The following YEATS2 variants were observed in gnomAD, a reference collection of about 807,000 sequenced individuals.
YEATS2 encodes YEATS domain-containing protein 2.
YEATS2 carries 77 observed loss-of-function variants against 163.2 expected under a neutral mutation model. That is an observed-to-expected ratio of 0.47 (90% CI 0.39 to 0.57). The LOEUF (loss-of-function observed/expected upper bound fraction) is 0.57. Ranked by LOEUF, YEATS2 falls within the 20% of genes least tolerant of loss-of-function variation. The pLI, the probability that YEATS2 is intolerant of heterozygous loss-of-function variation, is 0.00. For synonymous variants in YEATS2, 631 were observed against 645.1 expected, an observed-to-expected ratio of 0.98 and a Z score of 0.33; for missense variants, 1,549 against 1,729.8, an observed-to-expected ratio of 0.90 and a Z score of 1.85.
chr3:183,726,342 A>T (rs1455707426), intron 6 of YEATS2, among the ~76,000 whole-genome samples: 3 of 152,158 alleles, frequency 2.0e-5, no homozygotes, highest in Non-Finnish European at 2.9e-5. Context: ...GGTTGCCCAA[A>T]CTGAGATGTT....
At chr3:183,745,447 C>G (rs1370380353) in intron 8 of YEATS2, among the ~76,000 whole-genome samples, 1 of 152,028 alleles carries the variant, frequency 6.6e-6, no homozygotes, top group Non-Finnish European at 1.5e-5. Flanking sequence ...ATAGAGATGC[C>G]TTGGGCCGTC....
chr3:183,701,807 G>A (rs953118159), intron 1 of YEATS2, among the ~76,000 whole-genome samples: 3 of 152,128 alleles, frequency 2.0e-5, no homozygotes, highest in East Asian at 1.9e-4. Flanking sequence ...GCCAGTAGAA[G>A]CACTGCAGGT....
rs1169197560 is a variant in YEATS2, at chr3:183,760,333, T to TC, written c.1657-1174_1657-1173insC. On this transcript the variant is annotated intron_variant, in intron 13 of 30. Coordinates refer to ENST00000305135, the MANE Select transcript of YEATS2 (RefSeq NM_018023.5). Reference sequence around the variant, plus strand: ...ACAGAATTTTTTTTTTTTTTTTTTTTTTTTTGAGACAGAGTTTCGCTCTCG... The same window carrying TC: ...ACAGAATTTTTTTTTTTTTTTTTTTTCTTTTTGAGACAGAGTTTCGCTCTCG... 2.0e-5 allele frequency among the ~76,000 whole-genome samples: 3 copies of TC among 148,998 alleles called. No individual in the cohort carries two copies. In the East Asian group the frequency reaches 5.9e-4, roughly 29 times the overall value.
At chr3:183,779,586 T>C (rs1723351083) in intron 19 of YEATS2, among the ~76,000 whole-genome samples, 1 of 152,238 alleles carries the variant, frequency 6.6e-6, no homozygotes, top group Non-Finnish European at 1.5e-5. Context: ...CTTTTCTTGT[T>C]AGGGTAGGAG....
chr3:183,729,626 T>C (rs565055565), intron 7 of YEATS2, among the ~76,000 whole-genome samples: 2 of 152,114 alleles, frequency 1.3e-5, no homozygotes, highest in African/African-American at 2.4e-5. Flanking sequence ...ATGGAATGAT[T>C]ATATATATTG....
At chr3:183,704,257 G>T (rs375742911) in intron 1 of YEATS2, among the ~76,000 whole-genome samples, 1 of 151,546 alleles carries the variant, frequency 6.6e-6, no homozygotes, top group South Asian at 2.1e-4. Context: ...GCCTTTGTTC[G>T]TTCTGCTTGT....
At chr3:183,774,695 C>T (rs1722795804) in intron 17 of YEATS2, among the ~76,000 whole-genome samples, 1 of 152,156 alleles carries the variant, frequency 6.6e-6, no homozygotes, top group Non-Finnish European at 1.5e-5. Context: ...GAAATTATTT[C>T]CCTCTGAATC....
chr3:183,777,168 C>T (rs576028618), intron 18 of YEATS2, among the ~76,000 whole-genome samples: 25 of 152,262 alleles, frequency 1.6e-4, no homozygotes, highest in Admixed American at 1.3e-3. Context: ...GTTTCCTCCT[C>T]GTCTCCTCTT....
intron 1 of YEATS2, among the ~76,000 whole-genome samples, chr3:183,708,150 G>T (rs953894725): frequency 6.8e-6 from 1 of 147,204 alleles, no homozygotes; most frequent in Non-Finnish European, 1.5e-5. Flanking sequence ...TTCTCCTCAA[G>T]AATTGGCCAC....
chr3:183,801,432 T>C, intron 24 of YEATS2, 23 bp from the exon 25 acceptor site: 1 of 1,579,520 alleles, frequency 6.3e-7, no homozygotes, highest in South Asian at 1.2e-5. Context: ...TTTATTGCCT[T>C]AATTTTTTTT....
At chr3:183,790,228 G>A (rs1245878051) in intron 20 of YEATS2, among the ~76,000 whole-genome samples, 3 of 152,184 alleles carry the variant, frequency 2.0e-5, no homozygotes, top group Non-Finnish European at 2.9e-5. Context: ...TCTATTCCTA[G>A]GCAGAAGCAG....
At chr3:183,732,973 A>C (rs531107582) in intron 7 of YEATS2, among the ~76,000 whole-genome samples, 25 of 151,848 alleles carry the variant, frequency 1.6e-4, no homozygotes, top group Admixed American at 9.2e-4. Flanking sequence ...CTGTCCTCCT[A>C]CTTTAGCCTC....
At chr3:183,741,511 G>C (rs1200490078) in intron 8 of YEATS2, among the ~76,000 whole-genome samples, 2 of 152,142 alleles carry the variant, frequency 1.3e-5, no homozygotes, top group African/African-American at 4.8e-5. Flanking sequence ...GCCAGGCATG[G>C]TGGCTTATGT....
chr3:183,777,551 T>C lies in YEATS2; in HGVS notation c.2587T>C (p.Leu863=), dbSNP rs369562614. Residue 863 remains leucine, a synonymous_variant, in exon 19 of 31, where the codon TTA becomes CTA. Coordinates refer to ENST00000305135, the MANE Select transcript of YEATS2 (RefSeq NM_018023.5). Reference sequence around the variant, plus strand: ...TTTTTTTCTAACTTAGGGCACATTTTTAGTTGGCCAGCCATCACCCCAGAC... The same window carrying C: ...TTTTTTTCTAACTTAGGGCACATTTCTAGTTGGCCAGCCATCACCCCAGAC... ...ILKQTPQGTF[L]VGQPSPQTSG... is the part of the protein sequence containing the mutation. 2.0e-5 allele frequency: 32 copies of C among 1,612,268 alleles called. No individual in the cohort carries two copies. Among genetic ancestry groups the C allele is most frequent in the Non-Finnish European group, 4.2e-6 (5 of 1,179,604 alleles).
chr3:183,775,199 C>G (rs771607882), intron 17 of YEATS2, among the ~76,000 whole-genome samples: 6 of 152,168 alleles, frequency 3.9e-5, no homozygotes, highest in African/African-American at 1.4e-4. Flanking sequence ...GAGACAACAT[C>G]GAGCACTGTA....
chr3:183,731,697 TTC>T (rs1238543009), intron 7 of YEATS2, among the ~76,000 whole-genome samples: 1 of 152,214 alleles, frequency 6.6e-6, no homozygotes, highest in Non-Finnish European at 1.5e-5. Flanking sequence ...CAGTTTCTCT[TTC>T]ATCCTGGACA....
intron 7 of YEATS2, among the ~76,000 whole-genome samples, chr3:183,733,751 G>A (rs921160422): frequency 1.3e-5 from 2 of 152,098 alleles, no homozygotes; most frequent in African/African-American, 4.8e-5. Flanking sequence ...GAGGTGGGTG[G>A]ATGCTGCTCT....
chr3:183,716,887 A>G (rs1715937551), intron 2 of YEATS2, among the ~76,000 whole-genome samples: 1 of 149,652 alleles, frequency 6.7e-6, no homozygotes. Context: ...CTCTTTGCAT[A>G]TGTTATTTTG....
intron 8 of YEATS2, among the ~76,000 whole-genome samples, chr3:183,737,728 A>G (rs1028299866): frequency 2.0e-5 from 3 of 152,240 alleles, no homozygotes; most frequent in South Asian, 2.1e-4. Context: ...CATGTGGTTT[A>G]TGGTGCAGCC....
Sources: gnomAD v4.1 joint callset for allele counts (sites outside exome capture counted in the v4.1 genomes callset) on GRCh38, gnomAD v4.1.1 for gene constraint, MANE v1.5 for transcripts, NCBI Gene and HGNC (gene_info 2026-07-23, HGNC 2026-07-21) for gene names.